The following MLIP variants were observed in gnomAD, a reference collection of about 807,000 sequenced individuals.
MLIP encodes the protein muscular LMNA-interacting protein.
A neutral mutation model predicts 84.8 loss-of-function variants in MLIP; 79 were observed. The observed-to-expected ratio is 0.93, with a 90% CI of 0.78 to 1.12. The LOEUF (loss-of-function observed/expected upper bound fraction) is 1.12, where lower values mean the gene tolerates loss of function less well. Ranked by LOEUF, MLIP falls within the 50% of genes most tolerant of loss-of-function variation. The pLI is 0.00. For missense variants in MLIP, 1,257 were observed against 1,160.6 expected, an observed-to-expected ratio of 1.08 and a Z score of -1.21; for synonymous variants, 504 against 463.0, an observed-to-expected ratio of 1.09 and a Z score of -1.14.
rs77156761 is a variant in MLIP, at chr6:54,148,647, C to G, written c.2218-409C>G. Among the ~76,000 whole-genome samples the G allele has an allele frequency of 8.2e-3, 1,247 of 152,156 alleles. 17 individuals are homozygous for G. The highest frequency in any genetic ancestry group is 0.028 in the African/African-American group (1,160 of 41,506). ...TCAAGAGCTCAATTACACTTATTGGCATAATATTTGTTAATTGTGACACTG... is the reference window on the plus strand; with the variant it reads ...TCAAGAGCTCAATTACACTTATTGGGATAATATTTGTTAATTGTGACACTG... On this transcript the variant is annotated intron_variant, in intron 4 of 13. Transcript: ENST00000502396.
rs1440089494 is a variant in MLIP at position 54,124,880 on chromosome 6, C to T, written c.645+15C>T. 3.9e-6 allele frequency: 6 copies of T among 1,550,120 alleles called. No homozygotes were observed. Among genetic ancestry groups the T allele is most frequent in the Non-Finnish European group, 4.3e-6 (5 of 1,151,418 alleles). ...AGCATGGGCAGGTAGGTTTTGTGTT[C>T]CTGCTGTCCATAAGGAAAAAAAAAG... On this transcript the variant is annotated intron_variant, in intron 3 of 13. Transcript: ENST00000502396.
At chr6:54,082,543 A>G (rs972587905) in intron 1 of MLIP, among the ~76,000 whole-genome samples, 4 of 152,176 alleles carry the variant, frequency 2.6e-5, no homozygotes, top group Non-Finnish European at 5.9e-5. Context: ...AGTAAAACCA[A>G]ATCAGACGAT....
intron 1 of MLIP, among the ~76,000 whole-genome samples, chr6:54,105,305 G>A (rs999347872): frequency 9.9e-5 from 15 of 152,122 alleles, no homozygotes; most frequent in African/African-American, 3.1e-4. Context: ...TCTTTGTAAG[G>A]GCTGTGAACG....
chr6:54,215,073 C>A, intron 11 of MLIP: 1 of 1,189,848 alleles, frequency 8.4e-7, no homozygotes, highest in Non-Finnish European at 1.2e-6. Flanking sequence ...TGCCTTTTTG[C>A]TCCTATTTGT....
rs41273902 is a variant in MLIP, at chr6:54,160,367, G to C, written c.2290G>C (p.Ala764Pro). ...PTNTLLLEQK[A>P]LDEPAKTESV... The stretch of plus-strand genomic sequence containing the variant: ...TAAGAACTATTTCATTTGTCACTAG[G>C]CACTAGATGAACCAGCCAAGACTGA... Residue 764 changes from alanine (A) to proline (P), a missense_variant and splice_region_variant, in exon 6 of 14, where the codon GCA becomes CCA. Coordinates refer to ENST00000502396, the MANE Select transcript of MLIP (RefSeq NM_001281747.2). 1.6e-5 allele frequency: 25 copies of C among 1,611,268 alleles called. No homozygotes were observed. Among genetic ancestry groups the C allele is most frequent in the African/African-American group, 5.3e-5 (4 of 74,850 alleles).
At chr6:54,257,422 C>T in intron 13 of MLIP, 61 bp downstream of exon 13, 5 of 1,274,802 alleles carry the variant, frequency 3.9e-6, no homozygotes, top group Non-Finnish European at 5.6e-6. Flanking sequence ...TAGAAATAAA[C>T]CAATCTTATT....
intron 1 of MLIP, among the ~76,000 whole-genome samples, chr6:54,096,384 G>T (rs1481737903): frequency 6.6e-6 from 1 of 152,164 alleles, no homozygotes; most frequent in Admixed American, 6.5e-5. Context: ...ACAGAAATGT[G>T]GTGCCCAGAT....
chr6:54,108,255 T>C (rs1769164569), upstream of MLIP, among the ~76,000 whole-genome samples: 1 of 152,218 alleles, frequency 6.6e-6, no homozygotes, highest in African/African-American at 2.4e-5. Flanking sequence ...AGAGAGATCA[T>C]TAAAAGTTTG....
chr6:54,260,048 C>T (rs1385846269), intron 13 of MLIP, among the ~76,000 whole-genome samples: 2 of 151,868 alleles, frequency 1.3e-5, no homozygotes, highest in Non-Finnish European at 2.9e-5. Flanking sequence ...GATGGTATCT[C>T]ATTATTTTCC....
intron 1 of MLIP, among the ~76,000 whole-genome samples, chr6:54,060,346 G>A (rs1427920322): frequency 6.6e-6 from 1 of 152,202 alleles, no homozygotes; most frequent in East Asian, 1.9e-4. Context: ...AAGTTCAAAT[G>A]AGATATAAGA....
At chr6:54,237,652 C>T (rs1259714335) in intron 12 of MLIP, among the ~76,000 whole-genome samples, 1 of 147,110 alleles carries the variant, frequency 6.8e-6, no homozygotes, top group Non-Finnish European at 1.5e-5. Context: ...CAGAGACCAG[C>T]CTGGACGACA....
intron 12 of MLIP, among the ~76,000 whole-genome samples, chr6:54,237,679 A>G (rs1277072935): frequency 1.5e-5 from 1 of 68,096 alleles, no homozygotes; most frequent in Non-Finnish European, 2.5e-5. Context: ...GACTGTCTCT[A>G]AAAAAAAAAA....
intron 1 of MLIP, among the ~76,000 whole-genome samples, chr6:54,116,954 A>G (rs1406964984): frequency 4.6e-5 from 7 of 152,240 alleles, no homozygotes; most frequent in Non-Finnish European, 1.0e-4. Flanking sequence ...ATGCAAATCC[A>G]TAAATCTGAT....
rs555398390 is a variant in MLIP at position 54,172,098 on chromosome 6, T to A, written c.2544+2526T>A. Among the ~76,000 whole-genome samples, 3 of 151,688 alleles carry A rather than the reference T, an allele frequency of 2.0e-5. No homozygotes were observed. In the East Asian group the frequency reaches 5.8e-4, roughly 29 times the overall value. On this transcript the variant is annotated intron_variant, in intron 9 of 13. Coordinates refer to ENST00000502396, the MANE Select transcript of MLIP (RefSeq NM_001281747.2). ...TAGAGCCAAGAAAAAAAAGTTTTGT[T>A]ACACTTGAGGATATCCTGAACAAGT...
Position 54,138,015 on chromosome 6 carries a change from C to A in MLIP, c.1946C>A (p.Ala649Asp). ...CTTCCTTCACTCCCTGTCTCCAGTG[C>A]TGACTTTGCCTCTCTTCCCAACTTG... is the stretch of plus-strand genomic sequence containing the variant. ...SALPSLPVSS[A>D]DFASLPNLRS... The change falls in exon 4 of 14, where the codon GCT becomes GAT. Residue 649 changes from alanine (A) to aspartate (D), a missense_variant. By Grantham distance (126) the Ala-to-Asp change is moderately radical. Transcript: ENST00000502396. 4 of 1,536,132 alleles carry A rather than the reference C, an allele frequency of 2.6e-6. No individual in the cohort carries two copies. Among genetic ancestry groups the A allele is most frequent in the South Asian group, 1.2e-5 (1 of 84,064 alleles).
At chr6:54,057,268 G>A (rs1042974433) in intron 1 of MLIP, among the ~76,000 whole-genome samples, 4 of 152,162 alleles carry the variant, frequency 2.6e-5, no homozygotes, top group African/African-American at 9.7e-5. Context: ...CTGGGTAGAT[G>A]GGAGGTTGGG....
intron 1 of MLIP, among the ~76,000 whole-genome samples, chr6:54,023,857 A>G (rs1763650623): frequency 6.6e-6 from 1 of 152,212 alleles, no homozygotes; most frequent in Non-Finnish European, 1.5e-5. Flanking sequence ...GGCGAGAGCC[A>G]CTGTGCCTGG....
chr6:54,117,966 A>G (rs879315658), intron 1 of MLIP, among the ~76,000 whole-genome samples: 6 of 128,472 alleles, frequency 4.7e-5, no homozygotes, highest in Non-Finnish European at 8.1e-5. Flanking sequence ...AACAACAACA[A>G]CAGCAACAAC....
upstream of MLIP, among the ~76,000 whole-genome samples, chr6:54,108,632 G>A (rs1386301776): frequency 2.6e-5 from 4 of 152,082 alleles, no homozygotes; most frequent in African/African-American, 9.7e-5. Flanking sequence ...TAAAACAAGG[G>A]AAAGAAAATG....
Sources: gnomAD v4.1 joint callset for allele counts (sites outside exome capture counted in the v4.1 genomes callset) on GRCh38, gnomAD v4.1.1 for gene constraint, MANE v1.5 for transcripts, NCBI Gene and HGNC (gene_info 2026-07-23, HGNC 2026-07-21) for gene names.